The following FBXO42 variants were observed in gnomAD, a reference collection of about 807,000 sequenced individuals.
FBXO42 encodes the protein F-box only protein 42.
A neutral mutation model predicts 71.7 loss-of-function variants in FBXO42; 12 were observed. The observed-to-expected ratio is 0.17, with a 90% CI of 0.11 to 0.27. FBXO42 has a LOEUF of 0.27. FBXO42 is among the 10% of genes least tolerant of loss of function. The probability of loss-of-function intolerance (pLI) is 1.00; values close to 1 mark genes in which losing one functional copy is unlikely to be tolerated. For synonymous variants in FBXO42, 325 were observed against 327.5 expected (o/e 0.99, Z 0.08); for missense variants, 707 against 911.9 (o/e 0.78, Z 2.89).
intron 2 of FBXO42, among the ~76,000 whole-genome samples, chr1:16,313,749 C>T (rs560225856): frequency 3.3e-5 from 5 of 152,280 alleles, no homozygotes; most frequent in African/African-American, 1.2e-4. Flanking sequence ...TCTGTTATAT[C>T]TCTGGCTGCC....
chr1:16,330,358 C>A (rs947281600), intron 1 of FBXO42, among the ~76,000 whole-genome samples: 7 of 151,242 alleles, frequency 4.6e-5, no homozygotes, highest in African/African-American at 1.5e-4. Context: ...CCTGTTTCCA[C>A]AAAAAAAATT....
Position 16,352,442 on chromosome 1 carries a change from C to T in FBXO42, c.-205G>A. ...TCCTCCACTCAAACGCCGCCGCCGCCGCAGCTGCTGCTGCTCAGGCCGGGA... is the reference window on the plus strand; with the variant it reads ...TCCTCCACTCAAACGCCGCCGCCGCTGCAGCTGCTGCTGCTCAGGCCGGGA... On this transcript the variant is annotated 5_prime_UTR_variant, in exon 1 of 10. Coordinates refer to ENST00000375592, the MANE Select transcript of FBXO42 (RefSeq NM_018994.3). 2.5e-6 allele frequency: 1 copy of T among 398,752 alleles called. No individual in the cohort carries two copies. The highest frequency in any genetic ancestry group is 3.6e-5 in the East Asian group (1 of 28,096). The allele number at this position is 398,752 out of a possible 1,614,324, so 24.7% of individuals were successfully genotyped here.
chr1:16,350,401 C>T (rs1221566271), intron 1 of FBXO42, among the ~76,000 whole-genome samples: 1 of 151,522 alleles, frequency 6.6e-6, no homozygotes, highest in Non-Finnish European at 1.5e-5. Flanking sequence ...ACATCTTTAG[C>T]AAAGACACTA....
intron 4 of FBXO42, among the ~76,000 whole-genome samples, chr1:16,270,800 T>C (rs1326652987): frequency 5.1e-5 from 6 of 116,638 alleles, no homozygotes; most frequent in Non-Finnish European, 8.6e-5. Context: ...ACATATAAAA[T>C]TCCATTCTTT....
chr1:16,341,613 A>T (rs1319053016), intron 1 of FBXO42, among the ~76,000 whole-genome samples: 1,227 of 80,656 alleles, frequency 0.015, 18 homozygotes, highest in African/African-American at 0.04. Context: ...GTCTTTTAAA[A>T]AAAAAAAAAA....
chr1:16,272,014 G>A (rs1251289980), intron 4 of FBXO42, among the ~76,000 whole-genome samples: 1 of 150,514 alleles, frequency 6.6e-6, no homozygotes, highest in Non-Finnish European at 1.5e-5. Flanking sequence ...AAATAGCTGG[G>A]CGTGGTGGTG....
chr1:16,312,848 G>A (rs969318836), intron 2 of FBXO42, among the ~76,000 whole-genome samples: 4 of 150,804 alleles, frequency 2.7e-5, no homozygotes, highest in African/African-American at 9.8e-5. Flanking sequence ...AGACTCGAGT[G>A]CAGTGGCTCG....
chr1:16,347,000 C>T (rs182954717), intron 1 of FBXO42, among the ~76,000 whole-genome samples: 24 of 151,854 alleles, frequency 1.6e-4, no homozygotes, highest in African/African-American at 5.1e-4. Context: ...CCACCTCAGC[C>T]TCCCACAGTG....
At chr1:16,295,983 A>G (rs941183252) in intron 3 of FBXO42, among the ~76,000 whole-genome samples, 2 of 152,230 alleles carry the variant, frequency 1.3e-5, no homozygotes, top group African/African-American at 4.8e-5. Flanking sequence ...CTCTAAAAAA[A>G]GCCTTCTTTG....
intron 1 of FBXO42, 116 bp from the exon 2 acceptor site, chr1:16,315,551 T>A: frequency 2.0e-6 from 2 of 1,008,956 alleles, no homozygotes; most frequent in Non-Finnish European, 2.9e-6. Flanking sequence ...TGAAATCTGC[T>A]CTTCAGCACT....
At chr1:16,333,392 C>T (rs1029945894) in intron 1 of FBXO42, among the ~76,000 whole-genome samples, 1 of 150,692 alleles carries the variant, frequency 6.6e-6, no homozygotes, top group Non-Finnish European at 1.5e-5. Context: ...ACCAGAGGAT[C>T]GCTTGAGGCC....
chr1:16,252,933 C>T lies in FBXO42; in HGVS notation c.921+163G>A, dbSNP rs987923523. 1.3e-5 allele frequency among the ~76,000 whole-genome samples: 2 copies of T among 151,980 alleles called. No individual in the cohort carries two copies. Among genetic ancestry groups the T allele is most frequent in the African/African-American group, 2.4e-5 (1 of 41,362 alleles). On this transcript the variant is annotated intron_variant, in intron 8 of 9. Coordinates refer to ENST00000375592, the MANE Select transcript of FBXO42 (RefSeq NM_018994.3). This position sits in a 1 kb window ranked among gnomAD's most constrained non-coding sequence, Gnocchi z 4.4. ...ATCCCCCCACAACCCTAAAAAAAAG[C>T]AGAAACAAAGGCCAGAAAATACAAA...
chr1:16,346,163 C>A (rs1179382050), intron 1 of FBXO42, among the ~76,000 whole-genome samples: 1 of 152,108 alleles, frequency 6.6e-6, no homozygotes, highest in Non-Finnish European at 1.5e-5. Flanking sequence ...ACCACTTCAC[C>A]AATTCTTTAC....
chr1:16,311,193 G>A (rs1003310990), intron 2 of FBXO42, among the ~76,000 whole-genome samples: 2 of 149,518 alleles, frequency 1.3e-5, no homozygotes, highest in African/African-American at 4.9e-5. Context: ...AAAAAAAAGG[G>A]GGTCAAAGGC....
At chr1:16,350,757 A>AGAAAAGAAAAGAAAGAAAGAAAG (rs1553156684) in intron 1 of FBXO42, among the ~76,000 whole-genome samples, 23 of 44,268 alleles carry the variant, frequency 5.2e-4, no homozygotes, top group Non-Finnish European at 8.6e-4. Context: ...AAAAAAAAAA[A>AGAAAAGAAAAGAAAGAAAGAAAG]AAAGAAAGAA....
At chr1:16,337,746 C>T (rs1335643317) in intron 1 of FBXO42, among the ~76,000 whole-genome samples, 1 of 151,248 alleles carries the variant, frequency 6.6e-6, no homozygotes, top group Non-Finnish European at 1.5e-5. Flanking sequence ...TAGCTGGGCA[C>T]GGCGACAGGC....
chr1:16,341,368 G>A (rs540281370), intron 1 of FBXO42, among the ~76,000 whole-genome samples: 29 of 151,892 alleles, frequency 1.9e-4, no homozygotes, highest in Admixed American at 9.2e-4. Flanking sequence ...TTGGGAGGCC[G>A]AGGCGGGCAG....
rs1294522028 is a variant in FBXO42 at position 16,311,435 on chromosome 1, C to CTA, written c.250+3732_250+3733dup. On this transcript the variant is annotated intron_variant, in intron 2 of 9. Transcript: ENST00000375592. Reference sequence around the variant, plus strand: ...TCCAGGAAGTCAAGGCCGCAATGAGCTATGACCATGCCACTGTGCTCCAAC... The same window carrying CTA: ...TCCAGGAAGTCAAGGCCGCAATGAGCTATATGACCATGCCACTGTGCTCCAAC... Among the ~76,000 whole-genome samples, 14 of 144,908 alleles carry CTA rather than the reference C, an allele frequency of 9.7e-5. No homozygotes were observed. In the South Asian group the frequency reaches 2.6e-3, roughly 27 times the overall value.
intron 4 of FBXO42, among the ~76,000 whole-genome samples, chr1:16,275,936 C>G (rs115786532): frequency 0.017 from 2,508 of 151,782 alleles, 63 homozygotes; most frequent in African/African-American, 0.057. Flanking sequence ...CAAGAACAGC[C>G]TTGGCAACAG....
Sources: allele counts gnomAD v4.1 joint callset (sites outside exome capture counted in the v4.1 genomes callset), GRCh38; gene constraint gnomAD v4.1.1; non-coding constraint Gnocchi (gnomAD v3.1); transcripts MANE v1.5; gene names NCBI Gene and HGNC (gene_info 2026-07-23, HGNC 2026-07-21).